EMSY: variants seen among roughly 807,000 people sequenced by gnomAD.
EMSY encodes the protein BRCA2-interacting transcriptional repressor EMSY.
In EMSY, 26 loss-of-function variants were observed where a neutral mutation model predicts 134.6. The ratio of observed to expected loss-of-function variants is 0.19; its 90% CI spans 0.14 to 0.27. EMSY has a LOEUF of 0.27. EMSY is among the 10% of genes least tolerant of loss of function. The probability of loss-of-function intolerance (pLI) is 1.00; values close to 1 mark genes in which losing one functional copy is unlikely to be tolerated. For missense variants in EMSY, 1,305 were observed against 1,611.4 expected, an observed-to-expected ratio of 0.81 and a Z score of 3.26; for synonymous variants, 579 against 577.8, an observed-to-expected ratio of 1.00 and a Z score of -0.03.
Position 76,537,778 on chromosome 11 carries a change from C to T in EMSY, c.2360-17C>T, listed in dbSNP as rs1258090206. ...TTTGTAATAAAAGTTAACTTTTCCCCTGACTTTTTTATGCAGTAAAGGAAA... is the reference window on the plus strand; with the variant it reads ...TTTGTAATAAAAGTTAACTTTTCCCTTGACTTTTTTATGCAGTAAAGGAAA... On this transcript the variant is annotated splice_polypyrimidine_tract_variant and intron_variant, in intron 15 of 20. Transcript: ENST00000334736. 6.3e-7 allele frequency: 1 copy of T among 1,581,922 alleles called. No individual in the cohort carries two copies. The highest frequency in any genetic ancestry group is 1.8e-5 in the Admixed American group (1 of 54,752).
intron 7 of EMSY, among the ~76,000 whole-genome samples, chr11:76,468,361 A>G (rs1196652597): frequency 6.6e-6 from 1 of 152,152 alleles, no homozygotes; most frequent in Non-Finnish European, 1.5e-5. Context: ...TAAAAATAAG[A>G]CTCATTCATT....
rs73493497 is a variant in EMSY, at chr11:76,504,570, A to G, written c.1363+8101A>G. On this transcript the variant is annotated intron_variant, in intron 9 of 20. Transcript: ENST00000334736. ...TGTAGAGAAACAGGAATCCTCATAC[A>G]CTGCTGGTGGGAATGTAAAATGGTA... Among the ~76,000 whole-genome samples the G allele has an allele frequency of 5.0e-3, 760 of 152,238 alleles. 4 individuals carry two copies. Among genetic ancestry groups the G allele is most frequent in the African/African-American group, 0.017 (721 of 41,562 alleles).
chr11:76,551,250 G>A (rs1244648352), exon 21 of EMSY: 1 of 152,376 alleles, frequency 6.6e-6, no homozygotes, highest in African/African-American at 2.4e-5. Flanking sequence ...AGTGAAAGGG[G>A]TAAGGGGGTG....
At position 76,534,277 on chromosome 11, in the gene EMSY, G is replaced by A. The variant is rs192694885; in HGVS notation, c.2195-1618G>A. ...TTTGAGAGCTTAAGTTATATAAAAG[G>A]AATGGTTTCATAATATAATCAATTC... On this transcript the variant is annotated intron_variant, in intron 14 of 20. Coordinates refer to ENST00000334736, the Ensembl canonical transcript of EMSY. Among the ~76,000 whole-genome samples the A allele has an allele frequency of 7.9e-5, 12 of 152,052 alleles. No individual in the cohort carries two copies. The Middle Eastern group carries it at 0.02, about 259-fold the overall frequency.
chr11:76,459,912 A>C, intron 5 of EMSY, 21 bp from the exon 7 acceptor site: 1 of 1,604,912 alleles, frequency 6.2e-7, no homozygotes, highest in African/African-American at 1.3e-5. Flanking sequence ...TTAACAGCAA[A>C]CTTTTTTATC....
chr11:76,447,093 C>A, intron 2 of EMSY, 85 bp downstream of exon 2: 1 of 1,258,964 alleles, frequency 7.9e-7, no homozygotes, highest in Non-Finnish European at 1.1e-6. Flanking sequence ...GCATGGATGT[C>A]ATATCTCACG....
At chr11:76,492,977 A>G (rs1323313025) in intron 8 of EMSY, among the ~76,000 whole-genome samples, 2 of 152,000 alleles carry the variant, frequency 1.3e-5, no homozygotes, top group Non-Finnish European at 2.9e-5. Flanking sequence ...GACTGGGGAA[A>G]ACCTGCCTGT....
chr11:76,492,774 A>G lies in EMSY; in HGVS notation c.1109-3441A>G, dbSNP rs574068451. 7.4e-4 allele frequency among the ~76,000 whole-genome samples: 112 copies of G among 152,234 alleles called. 1 individual carries two copies. The highest frequency in any genetic ancestry group is 2.6e-3 in the African/African-American group (110 of 41,546). On this transcript the variant is annotated intron_variant, in intron 8 of 20. Transcript: ENST00000334736. ...AGTGGGTGCAGTGGACTCCAGGTGAAGTCCTCAGACTTAGAACCTAAGTGT... is the reference window on the plus strand; with the variant it reads ...AGTGGGTGCAGTGGACTCCAGGTGAGGTCCTCAGACTTAGAACCTAAGTGT...
chr11:76,550,287 T>C, exon 21 of EMSY: 1 of 539,788 alleles, frequency 1.9e-6, no homozygotes, highest in Non-Finnish European at 2.8e-6. Context: ...AACAAGATGT[T>C]GCTGCAGGAG....
chr11:76,506,787 A>T (rs1186612894), intron 9 of EMSY, among the ~76,000 whole-genome samples: 3 of 152,262 alleles, frequency 2.0e-5, no homozygotes, highest in African/African-American at 7.2e-5. Flanking sequence ...GAAAATCCCG[A>T]TAAGATGAAA....
Position 76,545,658 on chromosome 11 carries a change from C to G in EMSY, c.3274-139C>G, listed in dbSNP as rs1951618753. 3.6e-6 allele frequency: 4 copies of G among 1,111,870 alleles called. No homozygotes were observed. In the East Asian group the frequency reaches 1.0e-4, roughly 28 times the overall value. The allele number at this position is 1,111,870 out of a possible 1,614,324, so 68.9% of individuals were successfully genotyped here. ...AACCAGATCCTTCCTATCCAGCCCT[C>G]TTTTTAAAACAGCAAGCTTCAAAAC... On this transcript the variant is annotated intron_variant, in intron 19 of 20. Transcript: ENST00000334736.
chr11:76,451,797 A>T, intron 2 of EMSY, 61 bp from the exon 3 acceptor site: 1 of 1,048,578 alleles, frequency 9.5e-7, no homozygotes, highest in Non-Finnish European at 1.3e-6. Flanking sequence ...GTTTCACTAT[A>T]CATAGCCATA....
chr11:76,519,534 A>G (rs1422086735), intron 11 of EMSY, among the ~76,000 whole-genome samples: 1 of 152,216 alleles, frequency 6.6e-6, no homozygotes, highest in East Asian at 1.9e-4. Context: ...ACCTGTGACA[A>G]CAGCAAAACT....
chr11:76,513,082 G>A (rs1950333813), intron 9 of EMSY, among the ~76,000 whole-genome samples: 1 of 152,126 alleles, frequency 6.6e-6, no homozygotes, highest in African/African-American at 2.4e-5. Context: ...TTATTTGCCT[G>A]TAAAGTCAAG....
At chr11:76,504,046 A>C (rs1949981786) in intron 9 of EMSY, among the ~76,000 whole-genome samples, 1 of 151,554 alleles carries the variant, frequency 6.6e-6, no homozygotes, top group Non-Finnish European at 1.5e-5. Flanking sequence ...TTGGCCTCCC[A>C]AAGTGCTGGG....
intron 8 of EMSY, among the ~76,000 whole-genome samples, chr11:76,487,052 C>T (rs1049225088): frequency 6.6e-6 from 1 of 152,106 alleles, no homozygotes; most frequent in Non-Finnish European, 1.5e-5. Flanking sequence ...CTGAGGCAGG[C>T]GGATCACTAG....
chr11:76,458,711 A>C (rs897902224), intron 5 of EMSY: 1 of 164,804 alleles, frequency 6.1e-6, no homozygotes, highest in Non-Finnish European at 1.3e-5. Context: ...AATGATTCTG[A>C]ACTGATAGCT....
intron 16 of EMSY, 60 bp downstream of exon 17, chr11:76,538,010 G>T: frequency 1.4e-6 from 2 of 1,406,760 alleles, no homozygotes; most frequent in Non-Finnish European, 9.6e-7. Context: ...GGATTTCATG[G>T]GATGATTGTG....
intron 11 of EMSY, among the ~76,000 whole-genome samples, chr11:76,518,310 G>A (rs1950520480): frequency 6.6e-6 from 1 of 151,532 alleles, no homozygotes; most frequent in Admixed American, 6.6e-5. Context: ...TAAGACTACA[G>A]GCCCACACCA....
Sources: allele counts gnomAD v4.1 joint callset (sites outside exome capture counted in the v4.1 genomes callset), GRCh38; gene constraint gnomAD v4.1.1; transcripts MANE v1.5; gene names NCBI Gene and HGNC (gene_info 2026-07-23, HGNC 2026-07-21).